FSTL4: variants seen among roughly 807,000 people sequenced by gnomAD.
FSTL4 encodes the protein follistatin-related protein 4.
In FSTL4, 28 loss-of-function variants were observed where a neutral mutation model predicts 78.2. That is an observed-to-expected ratio of 0.36 (90% CI 0.27 to 0.49). The LOEUF is 0.49. Among genes scored for constraint, FSTL4 ranks in the 20% least tolerant of loss-of-function variants. FSTL4 has a pLI of 0.98. For synonymous variants in FSTL4, 422 were observed against 440.5 expected, an observed-to-expected ratio of 0.96 and a Z score of 0.53; for missense variants, 922 against 1,084.9, an observed-to-expected ratio of 0.85 and a Z score of 2.11.
At chr5:133,828,736 A>G in the FSTL4 span, among the ~76,000 whole-genome samples, 1 of 152,234 alleles carries the variant, frequency 6.6e-6, no homozygotes, top group African/African-American at 2.4e-5. Context: ...AAGAATAACC[A>G]AAAGTACAAA....
the FSTL4 span, among the ~76,000 whole-genome samples, chr5:133,838,528 C>T: frequency 2.6e-5 from 4 of 152,166 alleles, no homozygotes; most frequent in Non-Finnish European, 5.9e-5. Context: ...TGGCTGGGCT[C>T]ATCTCAAAGG....
At chr5:133,748,338 G>A in the FSTL4 span, among the ~76,000 whole-genome samples, 1 of 152,304 alleles carries the variant, frequency 6.6e-6, no homozygotes, top group African/African-American at 2.4e-5. Flanking sequence ...GGGAGGCCAA[G>A]GCAGGTGGAT....
At chr5:133,831,222 A>G in the FSTL4 span, among the ~76,000 whole-genome samples, 1 of 152,172 alleles carries the variant, frequency 6.6e-6, no homozygotes, top group Non-Finnish European at 1.5e-5. Flanking sequence ...ATGGAAGGGT[A>G]TGTCTGCATA....
At chr5:133,800,224 G>T in the FSTL4 span, among the ~76,000 whole-genome samples, 1 of 138,452 alleles carries the variant, frequency 7.2e-6, no homozygotes, top group Admixed American at 7.5e-5. Flanking sequence ...GGCAGTCAAA[G>T]CAAGGGCAAA....
chr5:133,660,195 G>A, the FSTL4 span, among the ~76,000 whole-genome samples: 1 of 152,094 alleles, frequency 6.6e-6, no homozygotes, highest in Admixed American at 6.6e-5. Flanking sequence ...CTGTGTTCTT[G>A]GCCCTCTTTC....
the FSTL4 span, among the ~76,000 whole-genome samples, chr5:133,641,653 G>GCAAA: frequency 6.6e-6 from 1 of 152,070 alleles, no homozygotes; most frequent in Non-Finnish European, 1.5e-5. Flanking sequence ...CTATAGTATG[G>GCAAA]CTTTTAGTAG....
chr5:133,268,064 A>G (rs958202054), intron 6 of FSTL4, among the ~76,000 whole-genome samples: 2 of 152,228 alleles, frequency 1.3e-5, no homozygotes, highest in African/African-American at 4.8e-5. Context: ...GTTAGCTATT[A>G]TGTAGTAGTT....
intron 4 of FSTL4, among the ~76,000 whole-genome samples, chr5:133,331,025 G>T (rs1404223639): frequency 6.6e-6 from 1 of 152,210 alleles, no homozygotes; most frequent in African/African-American, 2.4e-5. Context: ...ATGCCTGGGG[G>T]CCATGGAGGC....
the FSTL4 span, among the ~76,000 whole-genome samples, chr5:133,726,271 A>AT: frequency 6.6e-6 from 1 of 152,196 alleles, no homozygotes; most frequent in African/African-American, 2.4e-5. Context: ...TCAAGACCTT[A>AT]CTGAGAACCC....
chr5:133,695,740 C>T, the FSTL4 span, among the ~76,000 whole-genome samples: 2 of 152,314 alleles, frequency 1.3e-5, no homozygotes, highest in Admixed American at 1.3e-4. Context: ...CCAGACAAAG[C>T]CAGGACAGCT....
chr5:133,322,673 A>G (rs571547222), intron 4 of FSTL4, among the ~76,000 whole-genome samples: 2 of 152,308 alleles, frequency 1.3e-5, no homozygotes, highest in Admixed American at 6.5e-5. Context: ...ACTGACTTCC[A>G]TCCCTATTAG....
At chr5:133,295,668 T>C (rs1447730612) in intron 6 of FSTL4, among the ~76,000 whole-genome samples, 3 of 151,992 alleles carry the variant, frequency 2.0e-5, no homozygotes, top group African/African-American at 7.3e-5. Context: ...AAATGACTAA[T>C]ACAAGTCTCT....
At chr5:133,628,188 A>G in the FSTL4 span, among the ~76,000 whole-genome samples, 1 of 152,206 alleles carries the variant, frequency 6.6e-6, no homozygotes, top group Non-Finnish European at 1.5e-5. Flanking sequence ...ACACCCTAAC[A>G]TCACAATTAA....
At chr5:133,385,062 C>T (rs1276335082) in intron 4 of FSTL4, among the ~76,000 whole-genome samples, 1 of 152,158 alleles carries the variant, frequency 6.6e-6, no homozygotes, top group Non-Finnish European at 1.5e-5. Context: ...TTGTCGCGCT[C>T]CCCACCCTGG....
the FSTL4 span, among the ~76,000 whole-genome samples, chr5:133,652,724 C>T: frequency 6.6e-5 from 10 of 152,104 alleles, no homozygotes; most frequent in Non-Finnish European, 1.3e-4. Flanking sequence ...GAGAAGACTG[C>T]GTATTCTTCA....
the FSTL4 span, among the ~76,000 whole-genome samples, chr5:133,740,109 C>T: frequency 7.2e-5 from 11 of 152,080 alleles, no homozygotes; most frequent in African/African-American, 2.4e-4. Context: ...TCTCAAGAGT[C>T]GTGCACTCAA....
chr5:133,557,224 G>A (rs1027876871), intron 3 of FSTL4, among the ~76,000 whole-genome samples: 7 of 152,198 alleles, frequency 4.6e-5, no homozygotes, highest in African/African-American at 9.7e-5. Context: ...TGGGTCAACT[G>A]CTTAATCTCT....
intron 6 of FSTL4, among the ~76,000 whole-genome samples, chr5:133,300,801 G>A (rs6859098): frequency 0.088 from 13,334 of 152,072 alleles, 871 homozygotes; most frequent in East Asian, 0.21. Flanking sequence ...TTATTTGTGG[G>A]AGCTGAGAAG....
chr5:133,460,261 G>A (rs755529087), intron 3 of FSTL4, among the ~76,000 whole-genome samples: 21 of 152,000 alleles, frequency 1.4e-4, no homozygotes, highest in African/African-American at 5.1e-4. Context: ...TCAAGACACC[G>A]AGAACCTGGA....
Sources: gnomAD v4.1 joint callset for allele counts (sites outside exome capture counted in the v4.1 genomes callset) on GRCh38, gnomAD v4.1.1 for gene constraint, MANE v1.5 for transcripts, NCBI Gene and HGNC (gene_info 2026-07-23, HGNC 2026-07-21) for gene names.